The following PUDP variants were observed in gnomAD, a reference collection of about 807,000 sequenced individuals.
PUDP encodes pseudouridine-5'-phosphatase.
PUDP carries 8 observed loss-of-function variants against 9.4 expected under a neutral mutation model. That is an observed-to-expected ratio of 0.85 (90% CI 0.50 to 1.53). The LOEUF (loss-of-function observed/expected upper bound fraction) is 1.53. PUDP is among the 40% of genes most tolerant of loss of function. The pLI is 0.00. For synonymous variants in PUDP, 99 were observed against 80.7 expected (o/e 1.23, Z -1.22); for missense variants, 188 against 189.7 (o/e 0.99, Z 0.05).
chrX:6,783,272 T>C (rs1342819548), intron 3 of PUDP, among the ~76,000 whole-genome samples: 1 of 112,038 alleles, frequency 8.9e-6, no homozygotes, highest in African/African-American at 3.2e-5. Context: ...AGAGCACTTT[T>C]CCCCATGATC....
chrX:6,947,212 G>A (rs1338309250), intron 3 of PUDP, among the ~76,000 whole-genome samples: 1 of 109,985 alleles, frequency 9.1e-6, no homozygotes, highest in Non-Finnish European at 1.9e-5. Context: ...ATGTTGGCCA[G>A]GCTAGTCTTG....
chrX:6,820,540 G>T (rs909627948), intron 3 of PUDP, among the ~76,000 whole-genome samples: 4 of 111,687 alleles, frequency 3.6e-5, no homozygotes, highest in African/African-American at 1.3e-4. Context: ...TGGCGGTACA[G>T]GTATTGGGTA....
At chrX:6,881,420 G>T (rs760463343) in intron 3 of PUDP, among the ~76,000 whole-genome samples, 70 of 111,477 alleles carry the variant, frequency 6.3e-4, no homozygotes, top group Non-Finnish European at 1.1e-3. Context: ...CTGTTCCAGT[G>T]GTTCTTAGAG....
At chrX:7,024,150 A>G (rs1426812270) in intron 1 of PUDP, among the ~76,000 whole-genome samples, 1 of 111,328 alleles carries the variant, frequency 9.0e-6, no homozygotes, top group African/African-American at 3.3e-5. Context: ...TGGCTTTACC[A>G]CCTCTTTTCT....
rs779796053 is a variant in PUDP, at chrX:6,802,869, G to C, written c.*248-96403C>G. ...CACTGCACTCCAGACTGGGCAACAA[G>C]AGCGAGACTTTTTGTCTCAAAAATA... On this transcript the variant is annotated intron_variant and NMD_transcript_variant, in intron 3 of 3. Transcript: ENST00000655425. Among the ~76,000 whole-genome samples, 5 of 102,285 alleles carry C rather than the reference G, an allele frequency of 4.9e-5. No individual in the cohort carries two copies. In the South Asian group the frequency reaches 2.3e-3, roughly 47 times the overall value. The allele number at this position is 102,285 out of a possible 115,157, so 88.8% of individuals were successfully genotyped here.
At chrX:7,103,805 A>G (rs1285671766) in intron 2 of PUDP, among the ~76,000 whole-genome samples, 2 of 112,319 alleles carry the variant, frequency 1.8e-5, no homozygotes, top group East Asian at 5.6e-4. Flanking sequence ...GATTCTTGCC[A>G]TCCCCAATCA....
At chrX:6,738,171 CA>C (rs1924895732) in intron 3 of PUDP, among the ~76,000 whole-genome samples, 1 of 111,328 alleles carries the variant, frequency 9.0e-6, no homozygotes, top group Admixed American at 9.5e-5. Flanking sequence ...TCCCCCAGTC[CA>C]CATCATCTAA....
intron 3 of PUDP, among the ~76,000 whole-genome samples, chrX:7,075,202 C>T (rs750194764): frequency 1.6e-4 from 18 of 111,809 alleles, no homozygotes; most frequent in Non-Finnish European, 3.0e-4. Flanking sequence ...TCAGAAAGAC[C>T]AAATATGCGA....
intron 1 of PUDP, among the ~76,000 whole-genome samples, chrX:7,013,992 G>C (rs1286430022): frequency 1.8e-5 from 2 of 110,930 alleles, no homozygotes; most frequent in African/African-American, 6.6e-5. Flanking sequence ...TTACTGAATG[G>C]TGGAGGTGGC....
intron 1 of PUDP, among the ~76,000 whole-genome samples, chrX:7,011,619 T>C (rs187233907): frequency 5.4e-5 from 6 of 111,996 alleles, no homozygotes; most frequent in Non-Finnish European, 3.8e-5. Context: ...TCTATCAGCA[T>C]GAAGACATGA....
intron 2 of PUDP, among the ~76,000 whole-genome samples, chrX:7,079,779 TG>T (rs1931026025): frequency 8.9e-6 from 1 of 112,365 alleles, no homozygotes; most frequent in Non-Finnish European, 1.9e-5. Flanking sequence ...CCAAAATTTC[TG>T]GGATGTGGCT....
chrX:6,941,331 T>G (rs995780232), intron 3 of PUDP, among the ~76,000 whole-genome samples: 1 of 101,405 alleles, frequency 9.9e-6, no homozygotes, highest in Non-Finnish European at 2.0e-5. Flanking sequence ...TTTTTCTTTT[T>G]CTTTTCTGTC....
intron 3 of PUDP, chrX:7,057,502 A>T: frequency 3.9e-6 from 2 of 519,119 alleles, no homozygotes; most frequent in Admixed American, 8.5e-5. Context: ...CTGAGAAGCA[A>T]TAGGGAACTG....
chrX:7,010,135 G>T (rs1929457091), intron 1 of PUDP, among the ~76,000 whole-genome samples: 1 of 111,695 alleles, frequency 9.0e-6, no homozygotes, highest in African/African-American at 3.3e-5. Flanking sequence ...TATCTGGTGA[G>T]GACCCATTGG....
At chrX:6,786,707 T>C (rs1925653199) in intron 3 of PUDP, among the ~76,000 whole-genome samples, 1 of 111,808 alleles carries the variant, frequency 8.9e-6, no homozygotes, top group African/African-American at 3.2e-5. Flanking sequence ...CATCTCTTTT[T>C]CACCCATCCA....
At chrX:6,719,599 C>T (rs1057406388) in intron 1 of PUDP, among the ~76,000 whole-genome samples, 2 of 111,953 alleles carry the variant, frequency 1.8e-5, no homozygotes, top group East Asian at 5.6e-4. Context: ...GTGGATATCC[C>T]TGTCAATCAT....
At chrX:6,801,126 T>C (rs974052887) in intron 3 of PUDP, among the ~76,000 whole-genome samples, 17 of 111,987 alleles carry the variant, frequency 1.5e-4, no homozygotes, top group African/African-American at 5.5e-4. Flanking sequence ...TTTAATGTAA[T>C]ACTGCTCTGC....
rs151281289 is a variant in PUDP, at chrX:6,928,024, G to A, written c.*247+49109C>T. Among the ~76,000 whole-genome samples the A allele has an allele frequency of 7.3e-4, 76 of 104,625 alleles. 4 individuals are homozygous for A. The East Asian group carries it at 0.022, about 30-fold the overall frequency. The allele number at this position is 104,625 out of a possible 115,157, so 90.9% of individuals were successfully genotyped here. A position where few individuals can be genotyped will look rare whatever the true frequency, so the allele number is the denominator to read the frequency against. ...GGCTGGAGTGCAGTGGCATGATTTC[G>A]GCTCACTTCAAGTGATTCTCCTGCC... On this transcript the variant is annotated intron_variant and NMD_transcript_variant, in intron 3 of 3. Coordinates refer to the PUDP transcript ENST00000655425.
intron 3 of PUDP, among the ~76,000 whole-genome samples, chrX:6,919,322 A>T (rs1927982403): frequency 8.9e-6 from 1 of 112,164 alleles, no homozygotes; most frequent in Non-Finnish European, 1.9e-5. Context: ...ACAATGAATT[A>T]AGAAAAACAT....
Sources: gnomAD v4.1 joint callset for allele counts (sites outside exome capture counted in the v4.1 genomes callset) on GRCh38, gnomAD v4.1.1 for gene constraint, MANE v1.5 for transcripts, NCBI Gene and HGNC (gene_info 2026-07-23, HGNC 2026-07-21) for gene names.